The following EPHX2 variants were observed in gnomAD, a reference collection of about 807,000 sequenced individuals.
The protein encoded by EPHX2 is epoxide hydrolase 2, also known as bifunctional epoxide hydrolase 2.
In EPHX2, 74 loss-of-function variants were observed where a neutral mutation model predicts 78.7. The observed-to-expected ratio is 0.94, with a 90% CI of 0.78 to 1.14. EPHX2 has a LOEUF of 1.14. Among genes scored for constraint, EPHX2 ranks in the 50% most tolerant of loss-of-function variants. EPHX2 has a pLI of 0.00. For synonymous variants in EPHX2, 251 were observed against 255.2 expected (o/e 0.98, Z 0.16); for missense variants, 715 against 702.5 (o/e 1.02, Z -0.20).
Position 27,525,474 on chromosome 8 carries a change from G to C in EPHX2, c.1170+1G>C. On this transcript the variant is annotated splice_donor_variant, in intron 12 of 18. Transcript: ENST00000521400. LOFTEE classifies it high-confidence loss of function. ...TTACCAGCTCTACTTCCAAGAACCA[G>C]TAAGTATGGCACCAAGGGCAACAAT... 6.2e-7 allele frequency: 1 copy of C among 1,611,896 alleles called. No homozygotes were observed. Among genetic ancestry groups the C allele is most frequent in the Non-Finnish European group, 8.5e-7 (1 of 1,177,966 alleles).
chr8:27,537,436 G>A (rs1815248987), intron 13 of EPHX2, among the ~76,000 whole-genome samples: 1 of 152,120 alleles, frequency 6.6e-6, no homozygotes, highest in South Asian at 2.1e-4. Context: ...TAATCTTGAA[G>A]AATCATTTAT....
intron 12 of EPHX2, among the ~76,000 whole-genome samples, chr8:27,529,834 C>G (rs1381964202): frequency 6.6e-6 from 1 of 150,384 alleles, no homozygotes; most frequent in Non-Finnish European, 1.5e-5. Flanking sequence ...TCTCTTGAAC[C>G]TGGGAGATGG....
intron 1 of EPHX2, among the ~76,000 whole-genome samples, chr8:27,492,471 C>T (rs1813413997): frequency 6.6e-6 from 1 of 152,200 alleles, no homozygotes; most frequent in Non-Finnish European, 1.5e-5. Flanking sequence ...GAGTTGGTTC[C>T]TGTCGGTGGG....
chr8:27,511,925 T>C lies in EPHX2; in HGVS notation c.735+15T>C. The C allele has an allele frequency of 6.2e-7, 1 of 1,613,698 alleles. No individual in the cohort carries two copies. Among genetic ancestry groups the C allele is most frequent in the Non-Finnish European group, 8.5e-7 (1 of 1,179,710 alleles). Reference sequence around the variant, plus strand: ...TGACAGTAAAGGTGAGTCAGTTTTGTCTCTCAGTCGGCTAAGTGCTCTCCC... The same window carrying C: ...TGACAGTAAAGGTGAGTCAGTTTTGCCTCTCAGTCGGCTAAGTGCTCTCCC... On this transcript the variant is annotated intron_variant, in intron 6 of 18. Transcript: ENST00000521400.
chr8:27,525,107 T>TGTGTGCGCGC (rs1491544464), intron 11 of EPHX2, among the ~76,000 whole-genome samples: 25 of 103,490 alleles, frequency 2.4e-4, no homozygotes, highest in South Asian at 1.5e-3. Context: ...TGTGTGTGTG[T>TGTGTGCGCGC]GCGCGCGCGC....
At chr8:27,505,507 A>G (rs1813969917) in intron 4 of EPHX2, among the ~76,000 whole-genome samples, 1 of 152,210 alleles carries the variant, frequency 6.6e-6, no homozygotes, top group Admixed American at 6.5e-5. Flanking sequence ...GTGAGTGAGG[A>G]CAGGCTCCGG....
intron 5 of EPHX2, among the ~76,000 whole-genome samples, chr8:27,509,581 A>T (rs982274128): frequency 1.2e-4 from 19 of 152,196 alleles, no homozygotes; most frequent in African/African-American, 4.6e-4. Context: ...TTTAGTAGAG[A>T]CAGGATTCCC....
chr8:27,521,025 C>T, intron 10 of EPHX2, 116 bp downstream of exon 10: 1 of 1,203,996 alleles, frequency 8.3e-7, no homozygotes, highest in Non-Finnish European at 1.2e-6. Context: ...CATTTTGGGG[C>T]AGTTTAGGGC....
At chr8:27,496,289 G>A (rs1212567651) in intron 1 of EPHX2, among the ~76,000 whole-genome samples, 2 of 152,192 alleles carry the variant, frequency 1.3e-5, no homozygotes, top group Admixed American at 1.3e-4. Flanking sequence ...TCCACATACT[G>A]AAGGACCAGA....
At chr8:27,537,973 G>T (rs748400391) in intron 13 of EPHX2, among the ~76,000 whole-genome samples, 3 of 152,146 alleles carry the variant, frequency 2.0e-5, no homozygotes, top group Non-Finnish European at 4.4e-5. Context: ...AGTGGTTAAG[G>T]ATTTCTTCTG....
At chr8:27,534,198 A>T (rs1186063176) in intron 12 of EPHX2, among the ~76,000 whole-genome samples, 1 of 152,198 alleles carries the variant, frequency 6.6e-6, no homozygotes, top group African/African-American at 2.4e-5. Context: ...ATTGAATCTT[A>T]CAAAACGGAG....
intron 16 of EPHX2, 71 bp from the exon 17 acceptor site, chr8:27,543,678 G>A: frequency 6.6e-7 from 1 of 1,504,554 alleles, no homozygotes; most frequent in Non-Finnish European, 9.2e-7. Flanking sequence ...GCGAGCAGGG[G>A]TCTTTCAGAG....
At chr8:27,523,081 C>T (rs1814707681) in intron 11 of EPHX2, among the ~76,000 whole-genome samples, 1 of 151,188 alleles carries the variant, frequency 6.6e-6, no homozygotes, top group South Asian at 2.1e-4. Flanking sequence ...AGTGGGAATA[C>T]AGGAGGATCC....
chr8:27,512,529 C>G (rs2132738012), intron 6 of EPHX2, among the ~76,000 whole-genome samples: 1 of 152,330 alleles, frequency 6.6e-6, no homozygotes, highest in East Asian at 1.9e-4. Flanking sequence ...ATCATAAAGC[C>G]AAGGCCACAC....
chr8:27,504,346 C>T (rs1054062717), intron 3 of EPHX2, among the ~76,000 whole-genome samples: 4 of 152,210 alleles, frequency 2.6e-5, no homozygotes, highest in Non-Finnish European at 5.9e-5. Context: ...AGAGTCTCAC[C>T]ATCAACTCTT....
At chr8:27,523,768 C>T (rs909961701) in intron 11 of EPHX2, among the ~76,000 whole-genome samples, 9 of 152,232 alleles carry the variant, frequency 5.9e-5, no homozygotes, top group Middle Eastern at 3.4e-3. Flanking sequence ...CTCTCTCTTT[C>T]TCTGTCCCCT....
At chr8:27,527,846 AATCTT>A (rs1345980811) in intron 12 of EPHX2, among the ~76,000 whole-genome samples, 4 of 152,152 alleles carry the variant, frequency 2.6e-5, no homozygotes, top group Admixed American at 6.6e-5. Context: ...ACGTGGTTCT[AATCTT>A]CACAGCAACA....
At chr8:27,499,789 G>A (rs142839521) in intron 1 of EPHX2, among the ~76,000 whole-genome samples, 141 of 152,294 alleles carry the variant, frequency 9.3e-4, no homozygotes, top group African/African-American at 2.9e-3. Context: ...AGATCAAGAT[G>A]TCAGCAGGGT....
intron 15 of EPHX2, among the ~76,000 whole-genome samples, chr8:27,541,210 C>T (rs898955368): frequency 2.6e-5 from 4 of 152,174 alleles, no homozygotes; most frequent in African/African-American, 7.2e-5. Flanking sequence ...CCTGTAGGGC[C>T]GGCTTCTTTG....
Sources: gnomAD v4.1 joint callset for allele counts (sites outside exome capture counted in the v4.1 genomes callset) on GRCh38, gnomAD v4.1.1 for gene constraint, MANE v1.5 for transcripts, NCBI Gene and HGNC (gene_info 2026-07-23, HGNC 2026-07-21) for gene names.